CFAP77: variants seen among roughly 807,000 people sequenced by gnomAD.
The protein encoded by CFAP77 is cilia and flagella associated protein 77.
CFAP77 carries 25 observed loss-of-function variants against 31.1 expected under a neutral mutation model. That is an observed-to-expected ratio of 0.80 (90% CI 0.59 to 1.12). CFAP77 has a LOEUF of 1.12. CFAP77 is among the 50% of genes most tolerant of loss of function. CFAP77 has a pLI of 0.00. For missense variants in CFAP77, 377 were observed against 397.3 expected (o/e 0.95, Z 0.44); for synonymous variants, 151 against 159.9 (o/e 0.94, Z 0.42).
chr9:132,445,225 C>T (rs1017309227), intron 1 of CFAP77, among the ~76,000 whole-genome samples: 1 of 152,212 alleles, frequency 6.6e-6, no homozygotes, highest in Non-Finnish European at 1.5e-5. Context: ...CTGCCCGCCT[C>T]AGCCTCCCAA....
chr9:132,543,160 A>G, intron 5 of CFAP77, 113 bp downstream of exon 5: 1 of 794,132 alleles, frequency 1.3e-6, no homozygotes, highest in Admixed American at 2.0e-5. Flanking sequence ...ATCGATTAGT[A>G]CAACAGCCGC....
rs192362731 is a variant in CFAP77 at position 132,450,805 on chromosome 9, G to A, written c.195+40339G>A. 1.8e-3 allele frequency among the ~76,000 whole-genome samples: 273 copies of A among 152,336 alleles called. 1 individual carries two copies. Among genetic ancestry groups the A allele is most frequent in the Non-Finnish European group, 2.2e-3 (147 of 68,028 alleles). On this transcript the variant is annotated intron_variant, in intron 1 of 5. Coordinates refer to ENST00000393216, the MANE Select transcript of CFAP77 (RefSeq NM_001282957.2). ...CTGCAGAGAGAGCCCGGATTGGAGCGGGTAAGCCGGGAGGCTCAGAGACCC... is the reference window on the plus strand; with the variant it reads ...CTGCAGAGAGAGCCCGGATTGGAGCAGGTAAGCCGGGAGGCTCAGAGACCC...
intron 1 of CFAP77, among the ~76,000 whole-genome samples, chr9:132,488,639 G>A (rs937937310): frequency 1.1e-4 from 17 of 152,216 alleles, no homozygotes; most frequent in African/African-American, 3.4e-4. Context: ...TCGGATCAAA[G>A]CAACAGCCTG....
chr9:132,553,201 G>A (rs186257756), intron 5 of CFAP77, among the ~76,000 whole-genome samples: 146 of 152,238 alleles, frequency 9.6e-4, no homozygotes, highest in Non-Finnish European at 1.4e-3. Context: ...TTATAAGGAC[G>A]CTAATCCTAT....
At chr9:132,423,599 A>G (rs1303428615) in intron 1 of CFAP77, among the ~76,000 whole-genome samples, 1 of 152,218 alleles carries the variant, frequency 6.6e-6, no homozygotes, top group Non-Finnish European at 1.5e-5. Flanking sequence ...CAGGCTTCCA[A>G]CCAGGTCTGT....
rs1484539516 is a variant in CFAP77 at position 132,497,691 on chromosome 9, C to T, written c.196-1004C>T. On this transcript the variant is annotated intron_variant, in intron 1 of 5. Coordinates refer to ENST00000393216, the MANE Select transcript of CFAP77 (RefSeq NM_001282957.2). The surrounding 1 kb of genome is among the most constrained non-coding windows in gnomAD (Gnocchi z 4.9). ...CGGATCTCTCTGTGCCTCAGCTTCCCCCTGAGAAACGGGGATGGTAATGAG... is the reference window on the plus strand; with the variant it reads ...CGGATCTCTCTGTGCCTCAGCTTCCTCCTGAGAAACGGGGATGGTAATGAG... Among the ~76,000 whole-genome samples the T allele has an allele frequency of 6.6e-6, 1 of 152,162 alleles. No individual in the cohort carries two copies.
intron 1 of CFAP77, among the ~76,000 whole-genome samples, chr9:132,454,634 C>A (rs553372467): frequency 6.6e-4 from 101 of 152,314 alleles, no homozygotes; most frequent in Middle Eastern, 3.4e-3. Context: ...TTGAATGGAA[C>A]CACGTGGTGA....
chr9:132,532,953 C>A (rs536464746), intron 3 of CFAP77, among the ~76,000 whole-genome samples: 2 of 152,104 alleles, frequency 1.3e-5, no homozygotes, highest in African/African-American at 4.8e-5. Context: ...CTTGGGAGGC[C>A]GAGAATATCA....
chr9:132,495,914 T>C lies in CFAP77; in HGVS notation c.196-2781T>C, dbSNP rs1323038236. ...AGAGCCCTCACCAAGACACTGGGTC[T>C]GTTGGTGTCTAGATCTTGGACTTCC... On this transcript the variant is annotated intron_variant, in intron 1 of 5. Transcript: ENST00000393216. The surrounding 1 kb of genome is among the most constrained non-coding windows in gnomAD (Gnocchi z 4.2). Among the ~76,000 whole-genome samples, 1 of 152,252 alleles carries C rather than the reference T, an allele frequency of 6.6e-6. No homozygotes were observed. The highest frequency in any genetic ancestry group is 2.4e-5 in the African/African-American group (1 of 41,472).
intron 5 of CFAP77, among the ~76,000 whole-genome samples, chr9:132,549,216 G>T (rs1852784045): frequency 6.6e-6 from 1 of 152,170 alleles, no homozygotes; most frequent in South Asian, 2.1e-4. Flanking sequence ...CACAAGGCTT[G>T]TCCAGTTAAA....
Position 132,499,722 on chromosome 9 carries a change from C to G in CFAP77, c.524+122C>G. ...CCTCCCAGCCCCACTGTCCTCTCTT[C>G]AATGACTCTCTCTTGTGTGACCTCT... On this transcript the variant is annotated intron_variant, in intron 3 of 5. Coordinates refer to ENST00000393216, the MANE Select transcript of CFAP77 (RefSeq NM_001282957.2). This position sits in a 1 kb window ranked among gnomAD's most constrained non-coding sequence, Gnocchi z 5.4. 4.7e-6 allele frequency: 4 copies of G among 845,848 alleles called. No homozygotes were observed. In the South Asian group the frequency reaches 6.4e-5, roughly 14 times the overall value. 52.4% of individuals were successfully genotyped at this position (845,848 alleles called of 1,614,324 possible).
chr9:132,494,173 A>C (rs1851699860), intron 1 of CFAP77, among the ~76,000 whole-genome samples: 1 of 152,106 alleles, frequency 6.6e-6, no homozygotes, highest in South Asian at 2.1e-4. Context: ...TGGCCTCCCA[A>C]AGGGCCGGGA....
At chr9:132,458,741 G>A (rs1253539157) in intron 1 of CFAP77, among the ~76,000 whole-genome samples, 1 of 152,206 alleles carries the variant, frequency 6.6e-6, no homozygotes, top group Non-Finnish European at 1.5e-5. Context: ...GTGTTAGGCG[G>A]CACAGATGTA....
intron 5 of CFAP77, among the ~76,000 whole-genome samples, chr9:132,546,308 T>G (rs946596761): frequency 2.0e-5 from 3 of 152,206 alleles, no homozygotes; most frequent in Non-Finnish European, 2.9e-5. Context: ...CTGCTGTCTG[T>G]GGTGTCTGTC....
At position 132,424,283 on chromosome 9, in the gene CFAP77, TC is replaced by T. The variant is rs1850277060; in HGVS notation, c.195+13820del. Among the ~76,000 whole-genome samples, 1 of 152,088 alleles carries T rather than the reference TC, an allele frequency of 6.6e-6. No individual in the cohort carries two copies. The highest frequency in any genetic ancestry group is 2.1e-4 in the South Asian group (1 of 4,826). On this transcript the variant is annotated intron_variant, in intron 1 of 5. Transcript: ENST00000393216. The surrounding 1 kb of genome is among the most constrained non-coding windows in gnomAD (Gnocchi z 4.1). ...CCGGCATGGCCTCGGGTGCCTGTAG[TC>T]CCAGCTACTCAGGAGGCTGAGGCAG...
intron 1 of CFAP77, among the ~76,000 whole-genome samples, chr9:132,438,533 ATATATATATT>A (rs1169604308): frequency 2.6e-5 from 3 of 113,986 alleles, no homozygotes; most frequent in Admixed American, 8.5e-5. Flanking sequence ...ATATATATAT[ATATATATATT>A]TTTTTTTTTT....
intron 5 of CFAP77, among the ~76,000 whole-genome samples, chr9:132,548,327 T>C (rs1852768721): frequency 6.6e-6 from 1 of 151,996 alleles, no homozygotes; most frequent in South Asian, 2.1e-4. Context: ...CTTTTCTATA[T>C]GGTTTGCATT....
At chr9:132,478,501 CT>C (rs562355104) in intron 1 of CFAP77, among the ~76,000 whole-genome samples, 290 of 152,306 alleles carry the variant, frequency 1.9e-3, no homozygotes, top group South Asian at 8.7e-3. Context: ...TCCCCCTTGG[CT>C]TTTATTACTT....
In CFAP77 at chr9:132,410,346, C is replaced by G; in HGVS notation, c.75C>G (p.Val25=). 2 of 1,598,202 alleles carry G rather than the reference C, an allele frequency of 1.3e-6. No individual in the cohort carries two copies. Among genetic ancestry groups the G allele is most frequent in the Non-Finnish European group, 1.7e-6 (2 of 1,173,726 alleles). Residue 25 remains valine, a synonymous_variant, in exon 1 of 6, where the codon GTC becomes GTG. Coordinates refer to ENST00000393216, the MANE Select transcript of CFAP77 (RefSeq NM_001282957.2). ...RKQQQPVRRT[V]SQVCPPPRRP... ...AGCAGCAGCCTGTGCGCCGCACGGTCAGCCAGGTCTGCCCGCCCCCGCGGC... is the reference window on the plus strand; with the variant it reads ...AGCAGCAGCCTGTGCGCCGCACGGTGAGCCAGGTCTGCCCGCCCCCGCGGC...
Sources: gnomAD v4.1 joint callset for allele counts (sites outside exome capture counted in the v4.1 genomes callset) on GRCh38, gnomAD v4.1.1 for gene constraint, Gnocchi (gnomAD v3.1) non-coding constraint, MANE v1.5 for transcripts, NCBI Gene and HGNC (gene_info 2026-07-23, HGNC 2026-07-21) for gene names.